The following ACOT2 variants were observed in gnomAD, a reference collection of about 807,000 sequenced individuals.
The protein encoded by ACOT2 is acyl-CoA thioesterase 2, also known as acyl-coenzyme A thioesterase 2, mitochondrial.
A neutral mutation model predicts 20.1 loss-of-function variants in ACOT2; 15 were observed. The observed-to-expected ratio is 0.75, with a 90% confidence interval of 0.50 to 1.15. The LOEUF (loss-of-function observed/expected upper bound fraction) is 1.15, where lower values mean the gene tolerates loss of function less well. Ranked by LOEUF, ACOT2 falls within the 50% of genes most tolerant of loss-of-function variation. The probability of loss-of-function intolerance (pLI) is 0.00; values close to 1 mark genes in which losing one functional copy is unlikely to be tolerated. For synonymous variants in ACOT2, 252 were observed against 268.4 expected, an observed-to-expected ratio of 0.94 and a Z score of 0.60; for missense variants, 479 against 615.3, an observed-to-expected ratio of 0.78 and a Z score of 2.34.
At position 73,569,651 on chromosome 14, in the gene ACOT2, T is replaced by G. The variant is rs1271102158; in HGVS notation, c.411T>G (p.Leu137=). The part of the protein sequence containing the change: ...APALGGSFAG[L]EPMGLLWALE... ...CGCTGGGCGGCAGCTTCGCGGGGCTTGAGCCCATGGGGCTGCTCTGGGCCT... is the reference window on the plus strand; with the variant it reads ...CGCTGGGCGGCAGCTTCGCGGGGCTGGAGCCCATGGGGCTGCTCTGGGCCT... The change falls in exon 1 of 3, where the codon CTT becomes CTG. Residue 137 remains leucine, a synonymous_variant. Coordinates refer to ENST00000238651, the MANE Select transcript of ACOT2 (RefSeq NM_006821.6). 6.2e-7 allele frequency: 1 copy of G among 1,605,598 alleles called. No homozygotes were observed. Among genetic ancestry groups the G allele is most frequent in the Admixed American group, 1.7e-5 (1 of 59,604 alleles).
At chr14:73,571,754 CT>C (rs1455750280) in intron 1 of ACOT2, 4 of 152,016 alleles carry the variant, frequency 2.6e-5, no homozygotes, top group African/African-American at 9.7e-5. Context: ...CAGAAATGTT[CT>C]TTAAAAGTTT....
chr14:73,570,129 C>T (rs1267263249), intron 1 of ACOT2, among the ~76,000 whole-genome samples: 1 of 150,972 alleles, frequency 6.6e-6, no homozygotes, highest in Non-Finnish European at 1.5e-5. Flanking sequence ...TTTTTCCGTC[C>T]CTGCCCTTTT....
chr14:73,570,968 G>C (rs1889727957), intron 1 of ACOT2, among the ~76,000 whole-genome samples: 1 of 134,924 alleles, frequency 7.4e-6, no homozygotes, highest in Non-Finnish European at 1.6e-5. Context: ...GTATTGACTA[G>C]GAAGCCACTT....
At chr14:73,573,261 T>C in intron 1 of ACOT2, 127 bp from the exon 2 acceptor site, 2 of 1,386,864 alleles carry the variant, frequency 1.4e-6, no homozygotes. Context: ...AGGTTTTCAT[T>C]TCTCGTGGGT....
chr14:73,569,363 G>A lies in ACOT2; in HGVS notation c.123G>A (p.Ser41=), dbSNP rs751576499. The A allele has an allele frequency of 1.9e-6, 3 of 1,613,978 alleles. No homozygotes were observed. The highest frequency in any genetic ancestry group is 1.7e-5 in the Admixed American group (1 of 60,024). ...SRLYQWSLKS[S]AQFLGSPQLR... ...TGTACCAATGGAGCCTGAAGAGTTC[G>A]GCGCAGTTCCTGGGGTCTCCACAGC... The change falls in exon 1 of 3, where the codon TCG becomes TCA. Residue 41 remains serine, a synonymous_variant. Transcript: ENST00000238651.
Position 73,569,448 on chromosome 14 carries a change from G to C in ACOT2, c.208G>C (p.Glu70Gln), listed in dbSNP as rs767681788. 1 of 1,613,700 alleles carries C rather than the reference G, an allele frequency of 6.2e-7. No individual in the cohort carries two copies. The highest frequency in any genetic ancestry group is 1.3e-5 in the African/African-American group (1 of 75,052). ...PARMAATLIL[E>Q]PAGRCCWDEP... ...TCGGATGGCGGCGACGCTGATCCTG[G>C]AGCCTGCGGGCCGCTGCTGCTGGGA... The change falls in exon 1 of 3, where the codon GAG becomes CAG. Residue 70 changes from glutamate (E) to glutamine (Q), a missense_variant. Glu to Gln is a conservative substitution (Grantham distance 29). Around this residue, in one of 4 missense-constraint regions of ACOT2, gnomAD observed 400 missense variants for 395.5 expected, o/e 1.01. Coordinates refer to ENST00000238651, the MANE Select transcript of ACOT2 (RefSeq NM_006821.6).
At chr14:73,571,713 G>T (rs974268350) in intron 1 of ACOT2, 4 of 151,906 alleles carry the variant, frequency 2.6e-5, no homozygotes, top group African/African-American at 9.7e-5. Flanking sequence ...CGGGGCACTG[G>T]GGTTTCTCGG....
chr14:73,570,283 G>T (rs1889698913), intron 1 of ACOT2, among the ~76,000 whole-genome samples: 2 of 151,716 alleles, frequency 1.3e-5, no homozygotes, highest in African/African-American at 2.4e-5. Context: ...AAAAGACATT[G>T]TAAGGGCCAG....
intron 1 of ACOT2, chr14:73,571,519 T>A (rs1889750264): frequency 6.6e-6 from 1 of 151,990 alleles, no homozygotes. Context: ...CGTGGGCCAC[T>A]TTATCCACCA....
At chr14:73,572,830 C>T (rs1423887940) in intron 1 of ACOT2, among the ~76,000 whole-genome samples, 1 of 148,944 alleles carries the variant, frequency 6.7e-6, no homozygotes, top group Non-Finnish European at 1.5e-5. Context: ...ATTTTTAGTA[C>T]AGATGGGGTT....
chr14:73,571,985 C>T (rs1658753807), intron 1 of ACOT2, among the ~76,000 whole-genome samples: 1 of 151,116 alleles, frequency 6.6e-6, no homozygotes, highest in Non-Finnish European at 1.5e-5. Flanking sequence ...ACATTTCACA[C>T]CCTCAGAAGT....
At position 73,573,576 on chromosome 14, in the gene ACOT2, C is replaced by T. The variant is rs749234444; in HGVS notation, c.832C>T (p.Leu278Phe). 42 of 1,613,620 alleles carry T rather than the reference C, an allele frequency of 2.6e-5. No individual in the cohort carries two copies. The highest frequency in any genetic ancestry group is 3.1e-5 in the Non-Finnish European group (37 of 1,179,718). The change falls in exon 2 of 3, where the codon CTC becomes TTC. Residue 278 changes from leucine to phenylalanine, a missense_variant. Transcript: ENST00000238651. The stretch of plus-strand genomic sequence containing the variant: ...CTTTGAAGAAGCCATGAACTACTTG[C>T]TCAGTCATCCCGAGGTTAGTTCTTC... ...EYFEEAMNYL[L>F]SHPEVKGPGV...
At position 73,569,812 on chromosome 14, in the gene ACOT2, TCCTC is replaced by T. The variant is rs1467323413; in HGVS notation, c.575_578del (p.Leu192ArgfsTer55). 13 of 1,600,954 alleles carry T rather than the reference TCCTC, an allele frequency of 8.1e-6. No individual in the cohort carries two copies. The highest frequency in any genetic ancestry group is 1.1e-5 in the Non-Finnish European group (13 of 1,175,118). On this transcript the variant is annotated frameshift_variant, in exon 1 of 3. Coordinates refer to ENST00000238651, the MANE Select transcript of ACOT2 (RefSeq NM_006821.6). LOFTEE classifies it high-confidence loss of function. ...TGCCAGACGCGGCACGAGCGCTACT[TCCTC>T]CCGCCCGGGGTGCGGCGCGAGCCGG...
intron 2 of ACOT2, among the ~76,000 whole-genome samples, chr14:73,573,927 A>G (rs1889821261): frequency 6.6e-6 from 1 of 152,014 alleles, no homozygotes; most frequent in South Asian, 2.1e-4. Flanking sequence ...GGGTTTCACA[A>G]TATTGGTCAG....
At chr14:73,570,494 G>A (rs1489854724) in intron 1 of ACOT2, among the ~76,000 whole-genome samples, 3 of 152,002 alleles carry the variant, frequency 2.0e-5, no homozygotes, top group Admixed American at 6.6e-5. Context: ...GTGTGAACCC[G>A]GGAGGCAGAG....
At chr14:73,572,587 C>A (rs201306935) in intron 1 of ACOT2, among the ~76,000 whole-genome samples, 1 of 143,732 alleles carries the variant, frequency 7.0e-6, no homozygotes, top group Admixed American at 7.1e-5. Flanking sequence ...TGATGGTTTG[C>A]GGGTATCAGC....
chr14:73,573,338 A>G (rs759344865), intron 1 of ACOT2, 50 bp from the exon 2 acceptor site: 10 of 1,611,394 alleles, frequency 6.2e-6, no homozygotes, highest in South Asian at 3.3e-5. Flanking sequence ...AAACCATCCA[A>G]CTGTTTCAGG....
intron 2 of ACOT2, among the ~76,000 whole-genome samples, chr14:73,574,610 G>A (rs1474934701): frequency 6.6e-6 from 1 of 151,984 alleles, no homozygotes; most frequent in African/African-American, 2.4e-5. Context: ...TTATGACAGT[G>A]GGAATGGGTG....
upstream of ACOT2, chr14:73,567,838 C>T (rs189509643): frequency 2.6e-5 from 4 of 152,178 alleles, no homozygotes; most frequent in Non-Finnish European, 4.4e-5. Flanking sequence ...TAACACTCAC[C>T]TTGAAGGTCT....
Sources: allele counts gnomAD v4.1 joint callset (sites outside exome capture counted in the v4.1 genomes callset), GRCh38; gene constraint gnomAD v4.1.1; regional missense constraint gnomAD v4.1.1; transcripts MANE v1.5; gene names NCBI Gene and HGNC (gene_info 2026-07-23, HGNC 2026-07-21).